The following RASA3 variants were observed in gnomAD, a reference collection of about 807,000 sequenced individuals.
RASA3 encodes the protein ras GTPase-activating protein 3.
Under a neutral mutation model 110.0 loss-of-function variants are expected in RASA3, and 73 were observed. The ratio of observed to expected loss-of-function variants is 0.66; its 90% CI spans 0.55 to 0.81. The LOEUF (loss-of-function observed/expected upper bound fraction) is 0.81. RASA3 is among the 30% of genes least tolerant of loss of function. RASA3 has a pLI of 0.00. For synonymous variants in RASA3, 500 were observed against 451.4 expected, an observed-to-expected ratio of 1.11 and a Z score of -1.37; for missense variants, 976 against 1,113.2, an observed-to-expected ratio of 0.88 and a Z score of 1.75.
chr13:114,032,515 G>C (rs369861194), intron 4 of RASA3, among the ~76,000 whole-genome samples: 2 of 152,108 alleles, frequency 1.3e-5, no homozygotes, highest in Non-Finnish European at 2.9e-5. Context: ...TGCCTGGGTC[G>C]TGGGCGCAGC....
chr13:113,982,790 G>A (rs11147311), intron 22 of RASA3, among the ~76,000 whole-genome samples: 44,543 of 152,122 alleles, frequency 0.29, 7,372 homozygotes, highest in Non-Finnish European at 0.37. Flanking sequence ...GGGGATGGGC[G>A]TCCCTATAGA....
rs147540658 is a variant in RASA3 at position 114,115,564 on chromosome 13, C to T, written c.55+16871G>A. On this transcript the variant is annotated intron_variant, in intron 1 of 23. Coordinates refer to ENST00000334062, the MANE Select transcript of RASA3 (RefSeq NM_007368.4). The surrounding 1 kb of genome is among the most constrained non-coding windows in gnomAD (Gnocchi z 5.0). ...AAAGCCGTCGGAGGCAGAGTGCAGG[C>T]CTCGAAGCAGCTGGTCATGTCCACG... 0.012 allele frequency among the ~76,000 whole-genome samples: 1,804 copies of T among 152,296 alleles called. 30 individuals carry two copies. Among genetic ancestry groups the T allele is most frequent in the African/African-American group, 0.039 (1,616 of 41,556 alleles).
intron 19 of RASA3, among the ~76,000 whole-genome samples, chr13:114,000,209 C>T (rs114440536): frequency 0.035 from 5,283 of 151,128 alleles, 341 homozygotes; most frequent in African/African-American, 0.12. Context: ...GTGCCCTGGG[C>T]CGGAGGAGGT....
At position 114,048,517 on chromosome 13, in the gene RASA3, T is replaced by C. The variant is rs1198478071; in HGVS notation, c.277+3535A>G. On this transcript the variant is annotated intron_variant, in intron 3 of 23. Coordinates refer to ENST00000334062, the MANE Select transcript of RASA3 (RefSeq NM_007368.4). This position sits in a 1 kb window ranked among gnomAD's most constrained non-coding sequence, Gnocchi z 4.3. ...TCGGGGGCGGAGACCCCAATGCTCC[T>C]GACAGCACCGAGCCGGGCCTCGCGC... 1.3e-5 allele frequency among the ~76,000 whole-genome samples: 2 copies of C among 152,248 alleles called. No individual in the cohort carries two copies. Among genetic ancestry groups the C allele is most frequent in the South Asian group, 2.1e-4 (1 of 4,820 alleles).
chr13:114,017,423 C>CACAGGCAGGTGCT, intron 11 of RASA3, 72 bp from the exon 12 acceptor site: 1 of 1,185,728 alleles, frequency 8.4e-7, no homozygotes, highest in Non-Finnish European at 1.2e-6. Context: ...GAGCCTGGCC[C>CACAGGCAGGTGCT]CGAGCACCTG....
intron 22 of RASA3, among the ~76,000 whole-genome samples, chr13:113,991,874 G>A (rs145413355): frequency 0.019 from 2,827 of 152,196 alleles, 37 homozygotes; most frequent in Non-Finnish European, 0.029. Flanking sequence ...GCATGCTCAC[G>A]TGTCCCCACA....
intron 1 of RASA3, among the ~76,000 whole-genome samples, chr13:114,077,060 A>C (rs1322702735): frequency 6.6e-6 from 1 of 152,160 alleles, no homozygotes; most frequent in Non-Finnish European, 1.5e-5. Context: ...AAAAGGAGAG[A>C]GAAAAAAGCT....
At chr13:114,009,309 G>T in intron 17 of RASA3, 78 bp downstream of exon 17, 1 of 1,178,696 alleles carries the variant, frequency 8.5e-7, no homozygotes, top group Non-Finnish European at 1.3e-6. Flanking sequence ...TGTCATGTGG[G>T]TTCTATCTCA....
rs1294875082 is a variant in RASA3 at position 114,013,188 on chromosome 13, G to A, written c.1466C>T (p.Pro489Leu). The A allele has an allele frequency of 6.2e-7, 1 of 1,613,544 alleles. No homozygotes were observed. The highest frequency in any genetic ancestry group is 1.1e-5 in the South Asian group (1 of 91,010). Residue 489 changes from proline (P) to leucine (L), a missense_variant, in exon 15 of 24, where the codon CCC becomes CTC. Physicochemically the swap from Pro to Leu is moderately conservative, Grantham distance 98. Transcript: ENST00000334062. ...GAAGAGGTTGGGGGAGAGAATGGCG[G>A]GCGCAAAGAACCTCAGGAAGATGAA... ...SSFIFLRFFA[P>L]AILSPNLFQL...
intron 4 of RASA3, among the ~76,000 whole-genome samples, chr13:114,034,149 A>G (rs895378143): frequency 3.3e-5 from 5 of 152,058 alleles, no homozygotes; most frequent in Admixed American, 6.5e-5. Flanking sequence ...CCAGCCGGGC[A>G]CTGGGCCTGC....
chr13:114,123,606 C>T (rs529116651), intron 1 of RASA3, among the ~76,000 whole-genome samples: 4 of 152,326 alleles, frequency 2.6e-5, no homozygotes, highest in African/African-American at 9.6e-5. Flanking sequence ...CAACAATCAC[C>T]CTTAGGCTTT....
intron 4 of RASA3, among the ~76,000 whole-genome samples, chr13:114,034,209 G>A (rs1480328487): frequency 6.6e-6 from 1 of 152,254 alleles, no homozygotes; most frequent in Non-Finnish European, 1.5e-5. Context: ...ACCAAAGACA[G>A]GAGAAAGTGC....
At chr13:114,018,300 CCA>C in intron 10 of RASA3, 48 bp from the exon 11 acceptor site, 2 of 1,528,140 alleles carry the variant, frequency 1.3e-6, no homozygotes, top group Non-Finnish European at 1.8e-6. Flanking sequence ...TGCAGGAACC[CCA>C]GAGGCCTGTC....
intron 21 of RASA3, among the ~76,000 whole-genome samples, chr13:113,994,473 A>G (rs970745423): frequency 3.3e-5 from 5 of 152,360 alleles, no homozygotes; most frequent in Admixed American, 6.5e-5. Flanking sequence ...TCATAAAAAA[A>G]AGAAGAAAGA....
At chr13:114,103,036 TCA>T (rs1009863767) in intron 1 of RASA3, among the ~76,000 whole-genome samples, 7 of 152,126 alleles carry the variant, frequency 4.6e-5, no homozygotes, top group African/African-American at 1.4e-4. Context: ...CCAAGGACAC[TCA>T]CGTGGGCAGC....
chr13:113,990,757 G>A (rs1177313907), intron 22 of RASA3, among the ~76,000 whole-genome samples: 5 of 152,262 alleles, frequency 3.3e-5, no homozygotes, highest in African/African-American at 1.2e-4. Flanking sequence ...GCACATGTGA[G>A]CGTGTTGTGT....
intron 2 of RASA3, among the ~76,000 whole-genome samples, chr13:114,064,939 G>T (rs764060771): frequency 6.6e-6 from 1 of 152,248 alleles, no homozygotes; most frequent in Non-Finnish European, 1.5e-5. Flanking sequence ...GGAAATTAAC[G>T]CACGCAGCAG....
intron 4 of RASA3, among the ~76,000 whole-genome samples, chr13:114,037,957 C>G (rs9525211): frequency 0.14 from 20,663 of 151,670 alleles, 1,775 homozygotes; most frequent in Middle Eastern, 0.21. Context: ...TTCGGGGGAG[C>G]CGGGAGAAGG....
chr13:114,007,473 T>A, intron 18 of RASA3, 60 bp downstream of exon 18: 2 of 308,946 alleles, frequency 6.5e-6, no homozygotes, highest in Non-Finnish European at 8.9e-6. Context: ...CCTGCCCTGC[T>A]GGACACCACC....
Sources: gnomAD v4.1 joint callset for allele counts (sites outside exome capture counted in the v4.1 genomes callset) on GRCh38, gnomAD v4.1.1 for gene constraint, Gnocchi (gnomAD v3.1) non-coding constraint, MANE v1.5 for transcripts, NCBI Gene and HGNC (gene_info 2026-07-23, HGNC 2026-07-21) for gene names.